Variants in TPO observed in about 807,000 individuals in gnomAD.
TPO encodes thyroid peroxidase, also known as thyroid microsomal antigen.
A neutral mutation model predicts 96.9 loss-of-function variants in TPO; 78 were observed. The observed-to-expected ratio is 0.81, with a 90% CI of 0.67 to 0.97. The LOEUF is 0.97. Among genes scored for constraint, TPO ranks in the 50% least tolerant of loss-of-function variants. The pLI is 0.00. For missense variants in TPO, 1,252 were observed against 1,274.8 expected (o/e 0.98, Z 0.27); for synonymous variants, 547 against 538.0 (o/e 1.02, Z -0.23).
rs1270687452 is a variant in TPO, at chr2:1,477,136, C to T, written c.870C>T (p.Tyr290=). 1 of 1,610,296 alleles carries T rather than the reference C, an allele frequency of 6.2e-7. No homozygotes were observed. The highest frequency in any genetic ancestry group is 8.5e-7 in the Non-Finnish European group (1 of 1,179,242). Residue 290 remains tyrosine, a synonymous_variant, in exon 8 of 17, where the codon TAC becomes TAT. Coordinates refer to ENST00000329066, the MANE Select transcript of TPO (RefSeq NM_001206744.2). The stretch of plus-strand genomic sequence containing the variant: ...CGGGCACCGCCTGTCTGCCCTTCTA[C>T]CGCTCTTCGGCCGCCTGCGGCACCG... ...PAAGTACLPF[Y]RSSAACGTGD...
In TPO at chr2:1,423,073, C is replaced by A. The variant is rs572043824; in HGVS notation, c.123C>A (p.Ser41Arg). 1.2e-6 allele frequency: 2 copies of A among 1,614,168 alleles called. No individual in the cohort carries two copies. The highest frequency in any genetic ancestry group is 2.7e-5 in the African/African-American group (2 of 75,054). Residue 41 changes from serine (S) to arginine (R), a missense_variant, in exon 3 of 17, where the codon AGC (serine) becomes AGA (arginine). Transcript: ENST00000329066. ...AGCCTGAGGAGTCTCGTGTCTCTAG[C>A]GTCTTGGAGGAAAGCAAGCGCCTGG... is the stretch of plus-strand genomic sequence containing the variant. ...WGKPEESRVS[S>R]VLEESKRLVD...
chr2:1,512,908 T>C (rs4927624), intron 14 of TPO, among the ~76,000 whole-genome samples: 98,613 of 152,082 alleles, frequency 0.65, 32,550 homozygotes, highest in African/African-American at 0.77. Flanking sequence ...CCTGCAAAAA[T>C]GACCATGGAA....
intron 1 of TPO, among the ~76,000 whole-genome samples, chr2:1,380,329 G>T (rs1489209432): frequency 4.7e-5 from 7 of 150,368 alleles, no homozygotes; most frequent in Non-Finnish European, 8.8e-5. Context: ...GGGAGGCAGA[G>T]CTTGGAGTGA....
At chr2:1,506,266 C>A (rs1043302494) in intron 14 of TPO, among the ~76,000 whole-genome samples, 1 of 151,204 alleles carries the variant, frequency 6.6e-6, no homozygotes, top group African/African-American at 2.4e-5. Context: ...GCCACATTTT[C>A]TTAATCCAGT....
intron 7 of TPO, among the ~76,000 whole-genome samples, chr2:1,461,643 A>C (rs1668443630): frequency 6.6e-6 from 1 of 152,082 alleles, no homozygotes; most frequent in Admixed American, 6.5e-5. Context: ...GGTGACCGTG[A>C]CCGCCCGTAC....
chr2:1,418,042 G>C (rs1440791370), intron 2 of TPO, among the ~76,000 whole-genome samples: 1 of 152,180 alleles, frequency 6.6e-6, no homozygotes, highest in Non-Finnish European at 1.5e-5. Flanking sequence ...CAACACTTTG[G>C]GAGGCCGAGG....
At chr2:1,440,849 T>C (rs1392019070) in intron 5 of TPO, among the ~76,000 whole-genome samples, 2 of 151,252 alleles carry the variant, frequency 1.3e-5, no homozygotes, top group African/African-American at 4.9e-5. Flanking sequence ...TGGAAGCAAG[T>C]AGGGCAGGGT....
At chr2:1,390,649 G>A (rs1412303364) in intron 1 of TPO, among the ~76,000 whole-genome samples, 1 of 152,178 alleles carries the variant, frequency 6.6e-6, no homozygotes, top group Non-Finnish European at 1.5e-5. Flanking sequence ...CCCATTAACA[G>A]TGTAAAAGAG....
intron 14 of TPO, among the ~76,000 whole-genome samples, chr2:1,504,333 A>G (rs572113974): frequency 6.6e-6 from 1 of 152,294 alleles, no homozygotes; most frequent in South Asian, 2.1e-4. Flanking sequence ...ATGCATTGCC[A>G]GACAAGGCCC....
At chr2:1,438,779 ATT>A (rs3036132) in intron 5 of TPO, 13,979 of 652,630 alleles carry the variant, frequency 0.021, 83 homozygotes, top group African/African-American at 0.068. Context: ...TTAACTGGAG[ATT>A]TTTTTTTTTT....
chr2:1,480,773 C>CCTTCATCCGTCCAAACCATGTTTCTCCTG (rs1553316739), intron 8 of TPO, among the ~76,000 whole-genome samples: 1 of 94,010 alleles, frequency 1.1e-5, no homozygotes, highest in African/African-American at 3.7e-5. Flanking sequence ...CCTCCCTCCT[C>CCTTCATCCGTCCAAACCATGTTTCTCCTG]CTGCATCCGT....
At chr2:1,389,101 A>T (rs1326114552) in intron 1 of TPO, among the ~76,000 whole-genome samples, 1 of 152,120 alleles carries the variant, frequency 6.6e-6, no homozygotes, top group Non-Finnish European at 1.5e-5. Context: ...TAAACTTTTG[A>T]CAAAGCTGGG....
At chr2:1,529,775 T>TC (rs1339603064) in intron 15 of TPO, among the ~76,000 whole-genome samples, 1 of 54,926 alleles carries the variant, frequency 1.8e-5, no homozygotes, top group Non-Finnish European at 3.2e-5. Flanking sequence ...CCTCCTCTAA[T>TC]CCCCCCACTG....
intron 15 of TPO, among the ~76,000 whole-genome samples, chr2:1,537,920 AT>A (rs1680219333): frequency 2.6e-5 from 3 of 116,520 alleles, no homozygotes; most frequent in African/African-American, 1.0e-4. Context: ...AACCTGCCCA[AT>A]TTCCCCCACT....
intron 8 of TPO, among the ~76,000 whole-genome samples, chr2:1,483,915 A>G (rs1877855): frequency 0.54 from 81,832 of 152,052 alleles, 22,644 homozygotes; most frequent in African/African-American, 0.67. Flanking sequence ...TAAACAATCC[A>G]CTTGCCTTCC....
chr2:1,397,701 C>A (rs953136076), intron 1 of TPO, among the ~76,000 whole-genome samples: 1 of 152,166 alleles, frequency 6.6e-6, no homozygotes. Flanking sequence ...GCCTCCAAGC[C>A]TCCCACCCCC....
intron 15 of TPO, among the ~76,000 whole-genome samples, chr2:1,530,315 CCA>C (rs1179302893): frequency 7.1e-6 from 1 of 141,160 alleles, no homozygotes; most frequent in Non-Finnish European, 1.5e-5. Flanking sequence ...CCTAAAATCC[CCA>C]CACTGTGAGA....
chr2:1,492,556 T>C (rs1441245431), intron 10 of TPO, among the ~76,000 whole-genome samples: 1 of 152,200 alleles, frequency 6.6e-6, no homozygotes, highest in Non-Finnish European at 1.5e-5. Context: ...CTTTGCTCCA[T>C]GAGTCTGTTT....
intron 9 of TPO, among the ~76,000 whole-genome samples, chr2:1,485,509 T>G (rs888006030): frequency 2.0e-5 from 3 of 151,902 alleles, no homozygotes; most frequent in African/African-American, 7.3e-5. Flanking sequence ...TGAACTACTT[T>G]ACAGTCCCAC....
Sources: gnomAD v4.1 joint callset for allele counts (sites outside exome capture counted in the v4.1 genomes callset) on GRCh38, gnomAD v4.1.1 for gene constraint, MANE v1.5 for transcripts, NCBI Gene and HGNC (gene_info 2026-07-23, HGNC 2026-07-21) for gene names.